C10orf67: variants seen among roughly 807,000 people sequenced by gnomAD.
The protein encoded by C10orf67 is chromosome 10 open reading frame 67.
A neutral mutation model predicts 35.6 loss-of-function variants in C10orf67; 60 were observed. That is an observed-to-expected ratio of 1.68 (90% CI 1.37 to 2.09). The LOEUF (loss-of-function observed/expected upper bound fraction) is 2.09. C10orf67 is among the 30% of genes most tolerant of loss of function. C10orf67 has a pLI of 0.00. For missense variants in C10orf67, 474 were observed against 330.2 expected (o/e 1.44, Z -3.38); for synonymous variants, 167 against 115.8 (o/e 1.44, Z -2.84).
intron 8 of C10orf67, among the ~76,000 whole-genome samples, chr10:23,268,395 T>G (rs564992355): frequency 2.1e-4 from 32 of 152,250 alleles, no homozygotes; most frequent in Middle Eastern, 3.2e-3. Flanking sequence ...TTTCATAATA[T>G]GAATTTATGA....
At chr10:23,285,552 G>A (rs1843504349) in intron 7 of C10orf67, among the ~76,000 whole-genome samples, 1 of 151,592 alleles carries the variant, frequency 6.6e-6, no homozygotes, top group Admixed American at 6.6e-5. Context: ...ATTTCAATGT[G>A]TAATCAATAT....
chr10:23,339,048 C>T (rs1266709734), intron 1 of C10orf67, among the ~76,000 whole-genome samples: 1 of 152,140 alleles, frequency 6.6e-6, no homozygotes, highest in Non-Finnish European at 1.5e-5. Context: ...ACTCTTATGC[C>T]TCATAACTCA....
Position 23,272,070 on chromosome 10 carries a change from A to T in C10orf67, c.976-4816T>A, listed in dbSNP as rs548883429. Among the ~76,000 whole-genome samples, 4 of 152,212 alleles carry T rather than the reference A, an allele frequency of 2.6e-5. 1 individual carries two copies. In the South Asian group the frequency reaches 8.3e-4, roughly 32 times the overall value. ...TATCTGAGACTACAGGTGCATGCCAACATGACTACCTAATTTTTCTATTTT... is the reference window on the plus strand; with the variant it reads ...TATCTGAGACTACAGGTGCATGCCATCATGACTACCTAATTTTTCTATTTT... On this transcript the variant is annotated intron_variant, in intron 8 of 15. Coordinates refer to ENST00000636213, the MANE Select transcript of C10orf67 (RefSeq NM_001371909.1).
chr10:23,279,889 C>T (rs530355551), intron 8 of C10orf67, among the ~76,000 whole-genome samples: 4 of 152,078 alleles, frequency 2.6e-5, no homozygotes, highest in African/African-American at 9.6e-5. Flanking sequence ...CTTGCTCTGT[C>T]GCCCGGGCTG....
intron 5 of C10orf67, among the ~76,000 whole-genome samples, chr10:23,292,265 A>T (rs964238758): frequency 9.1e-6 from 1 of 109,506 alleles, no homozygotes. Context: ...GCCATGCATT[A>T]AAAAAAAAAA....
In C10orf67 at chr10:23,203,939, C is replaced by G. The variant is rs1265448158; in HGVS notation, c.*234G>C. ...TGCCCCGGAGGTTCAGTGCGCCCCG[C>G]TCACCCAGCACCAGCCAGGGCTTTC... On this transcript the variant is annotated 3_prime_UTR_variant, in exon 16 of 16. Transcript: ENST00000636213. 1 of 344,374 alleles carries G rather than the reference C, an allele frequency of 2.9e-6. No individual in the cohort carries two copies. The highest frequency in any genetic ancestry group is 5.2e-6 in the Non-Finnish European group (1 of 192,782). The allele number at this position is 344,374 out of a possible 1,614,324, so 21.3% of individuals were successfully genotyped here.
In C10orf67 at chr10:23,309,728, T is replaced by C. The variant is rs530315103; in HGVS notation, c.547-6269A>G. ...TTAAAATCTCACCCAGGTACCACAC[T>C]GAGAGGTGCTTGAGCCAGCCTGCCT... On this transcript the variant is annotated intron_variant, in intron 4 of 15. Transcript: ENST00000636213. Among the ~76,000 whole-genome samples the C allele has an allele frequency of 2.6e-3, 394 of 152,288 alleles. 1 individual carries two copies. The highest frequency in any genetic ancestry group is 5.8e-3 in the South Asian group (28 of 4,824).
Position 23,222,664 on chromosome 10 carries a change from T to C in C10orf67, c.1570+934A>G, listed in dbSNP as rs572926953. On this transcript the variant is annotated intron_variant, in intron 15 of 15. Coordinates refer to ENST00000636213, the MANE Select transcript of C10orf67 (RefSeq NM_001371909.1). ...CCCTGGAACCTAAAGTTAAAAAAAA[T>C]TTCAAGCCAGCTAAATTCATTAATC... is the stretch of plus-strand genomic sequence containing the variant. 1.1e-4 allele frequency among the ~76,000 whole-genome samples: 16 copies of C among 152,264 alleles called. No individual in the cohort carries two copies. The South Asian group carries it at 3.3e-3, about 32-fold the overall frequency.
At chr10:23,232,025 T>A (rs1422800389) in intron 13 of C10orf67, among the ~76,000 whole-genome samples, 2 of 152,034 alleles carry the variant, frequency 1.3e-5, no homozygotes, top group East Asian at 1.9e-4. Flanking sequence ...TAAGAAAAAA[T>A]TAGAGCAATA....
At chr10:23,266,457 T>C (rs777501759) in intron 9 of C10orf67, 31 bp from the exon 10 acceptor site, 14 of 398,424 alleles carry the variant, frequency 3.5e-5, no homozygotes, top group Non-Finnish European at 4.0e-5. Flanking sequence ...ACTTTGTTAT[T>C]CTCATTTTGT....
chr10:23,253,879 G>GA (rs992528946), intron 10 of C10orf67, among the ~76,000 whole-genome samples: 3 of 151,688 alleles, frequency 2.0e-5, no homozygotes, highest in East Asian at 1.9e-4. Context: ...TAAAAAAAGA[G>GA]AAAAAAAAGC....
At chr10:23,304,166 G>T (rs535892950) in intron 4 of C10orf67, among the ~76,000 whole-genome samples, 44 of 152,312 alleles carry the variant, frequency 2.9e-4, no homozygotes, top group African/African-American at 1.1e-3. Context: ...CCAGGCACCT[G>T]CTGGGAGTCA....
At chr10:23,331,109 G>C (rs1434682298) in intron 2 of C10orf67, among the ~76,000 whole-genome samples, 2 of 144,886 alleles carry the variant, frequency 1.4e-5, no homozygotes, top group East Asian at 4.1e-4. Flanking sequence ...GGACTGGGAC[G>C]GGAACCAGGA....
At chr10:23,300,823 T>C (rs1844048839) in intron 5 of C10orf67, among the ~76,000 whole-genome samples, 1 of 152,152 alleles carries the variant, frequency 6.6e-6, no homozygotes, top group African/African-American at 2.4e-5. Context: ...AATCATTCTT[T>C]TTCCTCTGTT....
intron 12 of C10orf67, among the ~76,000 whole-genome samples, chr10:23,246,510 A>C (rs1250329368): frequency 2.6e-5 from 4 of 152,230 alleles, no homozygotes; most frequent in Admixed American, 2.6e-4. Context: ...AAAGGAGAAA[A>C]ACACAAATTC....
chr10:23,292,446 G>T (rs963831562), intron 5 of C10orf67, among the ~76,000 whole-genome samples: 4 of 151,930 alleles, frequency 2.6e-5, no homozygotes, highest in Non-Finnish European at 4.4e-5. Flanking sequence ...TGATCTTAAG[G>T]TCATCACAGG....
At position 23,228,773 on chromosome 10, in the gene C10orf67, A is replaced by G. The variant is rs552147619; in HGVS notation, c.1435-4955T>C. ...AACAACCCCATCAAAAAGTGGGTGAAGGATATGAACAGACACTTCTCGAAA... is the reference window on the plus strand; with the variant it reads ...AACAACCCCATCAAAAAGTGGGTGAGGGATATGAACAGACACTTCTCGAAA... On this transcript the variant is annotated intron_variant, in intron 13 of 15. Coordinates refer to ENST00000636213, the MANE Select transcript of C10orf67 (RefSeq NM_001371909.1). 7.7e-4 allele frequency among the ~76,000 whole-genome samples: 117 copies of G among 152,352 alleles called. 4 individuals carry two copies. In the South Asian group the frequency reaches 0.023, roughly 30 times the overall value.
chr10:23,278,409 G>A (rs1843259554), intron 8 of C10orf67, among the ~76,000 whole-genome samples: 1 of 152,098 alleles, frequency 6.6e-6, no homozygotes, highest in Admixed American at 6.5e-5. Flanking sequence ...ATATAGTGTG[G>A]GTTAAGCCAT....
intron 5 of C10orf67, among the ~76,000 whole-genome samples, chr10:23,297,579 C>T (rs1335088687): frequency 6.6e-6 from 1 of 152,324 alleles, no homozygotes; most frequent in African/African-American, 2.4e-5. Context: ...GCATACCCCG[C>T]TTTTCGAAGT....
Sources: gnomAD v4.1 joint callset for allele counts (sites outside exome capture counted in the v4.1 genomes callset) on GRCh38, gnomAD v4.1.1 for gene constraint, MANE v1.5 for transcripts, NCBI Gene and HGNC (gene_info 2026-07-23, HGNC 2026-07-21) for gene names.